Variants in DPY19L1 observed in about 807,000 individuals in gnomAD.
DPY19L1 encodes dpy-19 like C-mannosyltransferase 1.
In DPY19L1, 35 loss-of-function variants were observed where a neutral mutation model predicts 96.9. That is an observed-to-expected ratio of 0.36 (90% CI 0.28 to 0.48). The LOEUF (loss-of-function observed/expected upper bound fraction) is 0.48. Ranked by LOEUF, DPY19L1 falls within the 20% of genes least tolerant of loss-of-function variation. The pLI, the probability that DPY19L1 is intolerant of heterozygous loss-of-function variation, is 0.99. For synonymous variants in DPY19L1, 205 were observed against 252.6 expected, an observed-to-expected ratio of 0.81 and a Z score of 1.79; for missense variants, 521 against 777.9, an observed-to-expected ratio of 0.67 and a Z score of 3.93.
At chr7:35,017,321 G>T (rs183318333) in intron 3 of DPY19L1, among the ~76,000 whole-genome samples, 1 of 150,950 alleles carries the variant, frequency 6.6e-6, no homozygotes, top group East Asian at 1.9e-4. Context: ...GTGAAACCCC[G>T]TCTCTACTAA....
Position 34,929,419 on chromosome 7 carries a change from G to A in DPY19L1, c.*2154C>T, listed in dbSNP as rs1476206838. On this transcript the variant is annotated 3_prime_UTR_variant, in exon 22 of 22. Transcript: ENST00000638088. ...AACACTGCTACAAAAGGATCCTTCT[G>A]GAAAAAGCTAATTTATATTACTTTT... The A allele has an allele frequency of 6.6e-6, 1 of 151,996 alleles. No individual in the cohort carries two copies. Among genetic ancestry groups the A allele is most frequent in the African/African-American group, 2.4e-5 (1 of 41,380 alleles). 9.4% of individuals were successfully genotyped at this position (151,996 alleles called of 1,614,324 possible). A position where few individuals can be genotyped will look rare whatever the true frequency, so the allele number is the denominator to read the frequency against.
At chr7:34,944,365 C>CAAAAAAAAAAAAAAAAAAA (rs60937482) in intron 16 of DPY19L1, among the ~76,000 whole-genome samples, 2 of 82,316 alleles carry the variant, frequency 2.4e-5, no homozygotes. Context: ...GGCTCTGTCT[C>CAAAAAAAAAAAAAAAAAAA]AAAAAAAAAA....
At chr7:35,006,855 A>G (rs992013368) in intron 6 of DPY19L1, among the ~76,000 whole-genome samples, 1 of 152,192 alleles carries the variant, frequency 6.6e-6, no homozygotes, top group African/African-American at 2.4e-5. Context: ...ATATTATTTC[A>G]AAACAAATAT....
At position 35,002,111 on chromosome 7, in the gene DPY19L1, G is replaced by A. The variant is rs192351931; in HGVS notation, c.764+8357C>T. On this transcript the variant is annotated intron_variant, in intron 6 of 21. Coordinates refer to ENST00000638088, the MANE Select transcript of DPY19L1 (RefSeq NM_001366673.1). The stretch of plus-strand genomic sequence containing the variant: ...CATTGCACTCCAGCCTGGTAACAGA[G>A]CGAGACTCCAGCTCAAAAAAAAAAA... Among the ~76,000 whole-genome samples, 66 of 141,766 alleles carry A rather than the reference G, an allele frequency of 4.7e-4. 1 individual carries two copies. The highest frequency in any genetic ancestry group is 1.6e-3 in the African/African-American group (60 of 38,036). 93.0% of individuals were successfully genotyped at this position (141,766 alleles called of 152,430 possible). A position where few individuals can be genotyped will look rare whatever the true frequency, so the allele number is the denominator to read the frequency against.
chr7:34,996,130 C>T (rs1785278433), intron 6 of DPY19L1, among the ~76,000 whole-genome samples: 1 of 152,210 alleles, frequency 6.6e-6, no homozygotes, highest in Non-Finnish European at 1.5e-5. Flanking sequence ...CTCCTCAATT[C>T]ACCCATGGTG....
At chr7:34,965,883 A>C (rs990496812) in intron 10 of DPY19L1, among the ~76,000 whole-genome samples, 3 of 151,776 alleles carry the variant, frequency 2.0e-5, no homozygotes, top group African/African-American at 7.3e-5. Context: ...TACTTGGCTA[A>C]CTCCTTCTCC....
chr7:34,955,620 G>C (rs1784362375), intron 11 of DPY19L1, among the ~76,000 whole-genome samples: 1 of 152,108 alleles, frequency 6.6e-6, no homozygotes, highest in Non-Finnish European at 1.5e-5. Flanking sequence ...AAATGTCTAT[G>C]ACTGATTTGA....
At chr7:34,933,722 T>G (rs1783806779) in intron 21 of DPY19L1, among the ~76,000 whole-genome samples, 1 of 152,206 alleles carries the variant, frequency 6.6e-6, no homozygotes, top group Non-Finnish European at 1.5e-5. Context: ...TTTCCTGCCC[T>G]TGAACATCAG....
In DPY19L1 at chr7:34,949,836, C is replaced by T. The variant is rs754798845; in HGVS notation, c.1383G>A (p.Leu461=). 35 of 1,603,294 alleles carry T rather than the reference C, an allele frequency of 2.2e-5. No homozygotes were observed. The highest frequency in any genetic ancestry group is 3.3e-4 in the Middle Eastern group (2 of 6,050). The change falls in exon 14 of 22, where the codon TTG becomes TTA. Residue 461 remains leucine, a synonymous_variant. Coordinates refer to ENST00000638088, the MANE Select transcript of DPY19L1 (RefSeq NM_001366673.1). ...FFSYKDFDTL[L]YTCAAEFDFM... ...AGTCAAACTCCGCTGCACAGGTATA[C>T]AATAAAGTATCAAAATCCTTATAAC...
At chr7:35,025,080 C>T (rs993440330) in intron 1 of DPY19L1, among the ~76,000 whole-genome samples, 4 of 152,090 alleles carry the variant, frequency 2.6e-5, no homozygotes, top group Admixed American at 2.0e-4. Context: ...ATATACAATA[C>T]AATTAAAGTA....
At chr7:34,997,597 G>A (rs555920337) in intron 6 of DPY19L1, among the ~76,000 whole-genome samples, 85 of 123,248 alleles carry the variant, frequency 6.9e-4, no homozygotes, top group Non-Finnish European at 1.2e-3. Flanking sequence ...GCAACTGAGC[G>A]AGACTCCGTC....
intron 1 of DPY19L1, among the ~76,000 whole-genome samples, chr7:35,020,048 G>A (rs529757748): frequency 1.3e-5 from 2 of 152,148 alleles, no homozygotes; most frequent in South Asian, 2.1e-4. Flanking sequence ...TGGGAGGATC[G>A]CTTGAGTCCA....
rs192654129 is a variant in DPY19L1 at position 34,976,495 on chromosome 7, T to G, written c.823-2890A>C. Reference sequence around the variant, plus strand: ...CATTGTTGAAATGACAAAAAAGGATTTAGAACATGACATAAACTTAGTTGC... The same window carrying G: ...CATTGTTGAAATGACAAAAAAGGATGTAGAACATGACATAAACTTAGTTGC... On this transcript the variant is annotated intron_variant, in intron 7 of 21. Coordinates refer to ENST00000638088, the MANE Select transcript of DPY19L1 (RefSeq NM_001366673.1). Among the ~76,000 whole-genome samples, 546 of 152,334 alleles carry G rather than the reference T, an allele frequency of 3.6e-3. 1 individual carries two copies. Among genetic ancestry groups the G allele is most frequent in the Non-Finnish European group, 6.0e-3 (405 of 68,026 alleles).
At chr7:34,950,909 C>T (rs1316636593) in intron 13 of DPY19L1, among the ~76,000 whole-genome samples, 2 of 152,012 alleles carry the variant, frequency 1.3e-5, no homozygotes, top group Non-Finnish European at 2.9e-5. Flanking sequence ...GGGAAAAAAT[C>T]TAATATTATA....
intron 6 of DPY19L1, among the ~76,000 whole-genome samples, chr7:35,009,378 A>C (rs1170797754): frequency 2.0e-5 from 3 of 152,236 alleles, no homozygotes; most frequent in Non-Finnish European, 4.4e-5. Flanking sequence ...AGATAATCTC[A>C]AGGTAAAATA....
chr7:35,015,936 T>A (rs971828038), intron 3 of DPY19L1, among the ~76,000 whole-genome samples: 1 of 152,212 alleles, frequency 6.6e-6, no homozygotes, highest in Admixed American at 6.5e-5. Context: ...CTTTGGTACT[T>A]TTATTCCTAA....
At chr7:34,958,822 C>T (rs1784431103) in intron 10 of DPY19L1, among the ~76,000 whole-genome samples, 1 of 152,076 alleles carries the variant, frequency 6.6e-6, no homozygotes, top group Non-Finnish European at 1.5e-5. Context: ...TTCACTTTTC[C>T]ATTCTTTTAA....
chr7:34,989,850 G>C, intron 7 of DPY19L1, 34 bp downstream of exon 7: 1 of 1,537,704 alleles, frequency 6.5e-7, no homozygotes, highest in Non-Finnish European at 8.8e-7. Flanking sequence ...TGCATTTCCA[G>C]AAGTAATTCT....
intron 1 of DPY19L1, among the ~76,000 whole-genome samples, chr7:35,029,619 T>G (rs1404160467): frequency 6.6e-6 from 1 of 152,202 alleles, no homozygotes; most frequent in Non-Finnish European, 1.5e-5. Context: ...TTTTACTGTG[T>G]TGTTATATCA....
Sources: allele counts gnomAD v4.1 joint callset (sites outside exome capture counted in the v4.1 genomes callset), GRCh38; gene constraint gnomAD v4.1.1; transcripts MANE v1.5; gene names NCBI Gene and HGNC (gene_info 2026-07-23, HGNC 2026-07-21).